RBFOX1: variants seen among roughly 807,000 people sequenced by gnomAD.
The protein encoded by RBFOX1 is RNA binding protein fox-1 homolog 1.
A neutral mutation model predicts 57.7 loss-of-function variants in RBFOX1; 8 were observed. The observed-to-expected ratio is 0.14, with a 90% CI of 0.08 to 0.25. The LOEUF (loss-of-function observed/expected upper bound fraction) is 0.25. RBFOX1 is among the 10% of genes least tolerant of loss of function. The pLI, the probability that RBFOX1 is intolerant of heterozygous loss-of-function variation, is 1.00. For synonymous variants in RBFOX1, 326 were observed against 222.4 expected, an observed-to-expected ratio of 1.47 and a Z score of -4.15; for missense variants, 611 against 548.5, an observed-to-expected ratio of 1.11 and a Z score of -1.14.
intron 3 of RBFOX1, among the ~76,000 whole-genome samples, chr16:6,661,806 A>G (rs1326951681): frequency 6.6e-6 from 1 of 152,226 alleles, no homozygotes; most frequent in Admixed American, 6.5e-5. Flanking sequence ...ATGTTGATTT[A>G]GCGGCGGGAT....
chr16:6,615,870 T>C (rs868556644), intron 2 of RBFOX1, among the ~76,000 whole-genome samples: 28 of 152,284 alleles, frequency 1.8e-4, no homozygotes, highest in Middle Eastern at 3.4e-3. Flanking sequence ...CTGCGTTTCC[T>C]TGCTCGCGAA....
At chr16:5,711,950 G>C (rs1345203621) in intron 3 of RBFOX1, among the ~76,000 whole-genome samples, 1 of 152,182 alleles carries the variant, frequency 6.6e-6, no homozygotes, top group African/African-American at 2.4e-5. Flanking sequence ...AAATATCCCA[G>C]ACTGTGTAAT....
chr16:7,296,567 T>C (rs73558002), intron 4 of RBFOX1, among the ~76,000 whole-genome samples: 12,533 of 152,234 alleles, frequency 0.082, 817 homozygotes, highest in African/African-American at 0.18. Flanking sequence ...CACATGCTCA[T>C]GTTCACGATA....
intron 4 of RBFOX1, among the ~76,000 whole-genome samples, chr16:7,134,961 A>AAG (rs1445585187): frequency 2.6e-5 from 4 of 151,720 alleles, no homozygotes; most frequent in Admixed American, 1.3e-4. Context: ...GCCGCGTTCC[A>AAG]AGAGAGAGAG....
intron 1 of RBFOX1, among the ~76,000 whole-genome samples, chr16:6,123,931 G>C (rs1408116606): frequency 6.6e-6 from 1 of 152,022 alleles, no homozygotes; most frequent in Non-Finnish European, 1.5e-5. Flanking sequence ...TTTATGTTAG[G>C]CATATTATAT....
At chr16:7,514,403 T>C (rs548273890) in intron 4 of RBFOX1, among the ~76,000 whole-genome samples, 2 of 152,294 alleles carry the variant, frequency 1.3e-5, no homozygotes, top group Non-Finnish European at 2.9e-5. Flanking sequence ...CATTTATAAA[T>C]GTCCACTTTG....
intron 4 of RBFOX1, among the ~76,000 whole-genome samples, chr16:7,514,488 G>C (rs1352851047): frequency 6.6e-6 from 1 of 152,144 alleles, no homozygotes; most frequent in Non-Finnish European, 1.5e-5. Flanking sequence ...GGAGCTCACA[G>C]ACAAATAATC....
chr16:6,564,204 C>G (rs966644000), intron 2 of RBFOX1, among the ~76,000 whole-genome samples: 1 of 152,136 alleles, frequency 6.6e-6, no homozygotes, highest in African/African-American at 2.4e-5. Flanking sequence ...CTTACCCTCA[C>G]TGTGAATGAA....
At chr16:7,705,818 A>C (rs1395835541) in intron 14 of RBFOX1, among the ~76,000 whole-genome samples, 1 of 152,184 alleles carries the variant, frequency 6.6e-6, no homozygotes, top group African/African-American at 2.4e-5. Context: ...ATATTAGTGT[A>C]GTCATCATGT....
chr16:6,146,042 C>T (rs941561077), intron 1 of RBFOX1, among the ~76,000 whole-genome samples: 7 of 152,168 alleles, frequency 4.6e-5, no homozygotes, highest in African/African-American at 7.2e-5. Context: ...CCAGAGACAG[C>T]GTCCAGCTAA....
intron 2 of RBFOX1, among the ~76,000 whole-genome samples, chr16:5,583,070 T>C (rs528714199): frequency 3.3e-5 from 5 of 152,296 alleles, no homozygotes; most frequent in Non-Finnish European, 7.3e-5. Flanking sequence ...TTCACACAGC[T>C]AGGGAGAGGT....
chr16:7,488,445 G>A (rs200707647), intron 4 of RBFOX1, among the ~76,000 whole-genome samples: 5 of 130,962 alleles, frequency 3.8e-5, no homozygotes, highest in South Asian at 5.1e-4. Flanking sequence ...TTCTTTCGTT[G>A]TTTGTCTATC....
chr16:6,239,523 G>A (rs570242029), intron 1 of RBFOX1, among the ~76,000 whole-genome samples: 27 of 107,238 alleles, frequency 2.5e-4, no homozygotes, highest in Non-Finnish European at 3.4e-4. Flanking sequence ...TTCTGAGATA[G>A]AGTCTTGCTC....
intron 2 of RBFOX1, among the ~76,000 whole-genome samples, chr16:6,552,266 C>T (rs765163163): frequency 6.6e-6 from 1 of 152,096 alleles, no homozygotes; most frequent in Non-Finnish European, 1.5e-5. Flanking sequence ...GGAGGGCAAC[C>T]CCTTTTCTTT....
chr16:6,527,794 C>T (rs952056827), intron 2 of RBFOX1, among the ~76,000 whole-genome samples: 42 of 152,110 alleles, frequency 2.8e-4, no homozygotes, highest in Non-Finnish European at 4.9e-4. Flanking sequence ...CTCCGAGCTG[C>T]TGCCTCTGTA....
intron 8 of RBFOX1, among the ~76,000 whole-genome samples, chr16:7,596,878 G>A (rs1362572853): frequency 6.6e-6 from 1 of 152,176 alleles, no homozygotes; most frequent in African/African-American, 2.4e-5. Context: ...TTGAATGCTA[G>A]ATGTTGCTTT....
Position 7,380,178 on chromosome 16 carries a change from C to A in RBFOX1, c.28-137969C>A, listed in dbSNP as rs186188314. Among the ~76,000 whole-genome samples, 13 of 152,214 alleles carry A rather than the reference C, an allele frequency of 8.5e-5. No homozygotes were observed. In the East Asian group the frequency reaches 2.5e-3, roughly 29 times the overall value. On this transcript the variant is annotated intron_variant, in intron 4 of 15. Transcript: ENST00000550418. ...CCAGTATTTATGTTTTGCTGTATAC[C>A]TTTTGGTATGTCTGAACTATATCAC...
At chr16:7,244,772 C>A (rs954075072) in intron 4 of RBFOX1, among the ~76,000 whole-genome samples, 2 of 152,180 alleles carry the variant, frequency 1.3e-5, no homozygotes, top group African/African-American at 4.8e-5. Context: ...GGTCATCACA[C>A]TCGAAGGAGG....
At chr16:6,181,923 A>C (rs2097066318) in intron 1 of RBFOX1, among the ~76,000 whole-genome samples, 1 of 16,960 alleles carries the variant, frequency 5.9e-5, no homozygotes, top group Non-Finnish European at 2.7e-4. Context: ...CTCAGTTTCC[A>C]TCGATGGGGA....
Sources: gnomAD v4.1 joint callset for allele counts (sites outside exome capture counted in the v4.1 genomes callset) on GRCh38, gnomAD v4.1.1 for gene constraint, MANE v1.5 for transcripts, NCBI Gene and HGNC (gene_info 2026-07-23, HGNC 2026-07-21) for gene names.